PRH1: variants seen among roughly 807,000 people sequenced by gnomAD.
PRH1 encodes the protein proline rich protein HaeIII subfamily 1.
A neutral mutation model predicts 7.9 loss-of-function variants in PRH1; 7 were observed. That is an observed-to-expected ratio of 0.89 (90% CI 0.50 to 1.67). The LOEUF is 1.67. Among genes scored for constraint, PRH1 ranks in the 40% most tolerant of loss-of-function variants. The pLI is 0.00. For missense variants in PRH1, 109 were observed against 223.6 expected, an observed-to-expected ratio of 0.49 and a Z score of 3.27; for synonymous variants, 45 against 80.8, an observed-to-expected ratio of 0.56 and a Z score of 2.38.
intron 2 of PRH1, among the ~76,000 whole-genome samples, chr12:10,926,193 T>A (rs1250541032): frequency 6.6e-6 from 1 of 152,222 alleles, no homozygotes; most frequent in African/African-American, 2.4e-5. Context: ...GTTTATTTGC[T>A]AACTGTATTA....
At chr12:11,134,903 TACAC>T (rs993546432) in intron 1 of PRH1, among the ~76,000 whole-genome samples, 1 of 152,062 alleles carries the variant, frequency 6.6e-6, no homozygotes, top group Non-Finnish European at 1.5e-5. Flanking sequence ...AGCTCATAAA[TACAC>T]ACACAAACAC....
intron 2 of PRH1, among the ~76,000 whole-genome samples, chr12:10,943,401 C>G (rs1385306443): frequency 6.6e-6 from 1 of 152,108 alleles, no homozygotes; most frequent in Non-Finnish European, 1.5e-5. Context: ...CTGTTCAGGT[C>G]TTTTGCCCAC....
chr12:11,053,310 G>T (rs1025679442), intron 1 of PRH1, among the ~76,000 whole-genome samples: 5 of 152,150 alleles, frequency 3.3e-5, no homozygotes, highest in Non-Finnish European at 7.4e-5. Context: ...ACAAGATGTG[G>T]GGGAGAGCTT....
chr12:10,931,942 T>C (rs1399543114), intron 2 of PRH1, among the ~76,000 whole-genome samples: 1 of 152,194 alleles, frequency 6.6e-6, no homozygotes, highest in African/African-American at 2.4e-5. Flanking sequence ...TATGTTGCAG[T>C]CCCCATCTTT....
chr12:11,133,996 A>G, intron 1 of PRH1: 1 of 1,614,148 alleles, frequency 6.2e-7, no homozygotes, highest in South Asian at 1.1e-5. Flanking sequence ...CATTATAAGC[A>G]GTAATTCTTA....
At chr12:11,146,322 T>A (rs986525461) in intron 1 of PRH1, among the ~76,000 whole-genome samples, 2 of 152,128 alleles carry the variant, frequency 1.3e-5, no homozygotes, top group Non-Finnish European at 2.9e-5. Flanking sequence ...AATAAACTAC[T>A]CTAAATGAGA....
chr12:11,140,297 T>C (rs1946666933), intron 1 of PRH1, among the ~76,000 whole-genome samples: 1 of 152,068 alleles, frequency 6.6e-6, no homozygotes, highest in African/African-American at 2.4e-5. Context: ...TGTTGAAATA[T>C]AAAAATAGAC....
intron 2 of PRH1, among the ~76,000 whole-genome samples, chr12:10,935,218 C>G (rs1022581387): frequency 5.9e-5 from 9 of 152,098 alleles, no homozygotes; most frequent in African/African-American, 1.9e-4. Flanking sequence ...CCAGGAATGA[C>G]TGCTGTCTTT....
intron 1 of PRH1, among the ~76,000 whole-genome samples, chr12:11,128,358 T>C (rs1946207092): frequency 8.5e-6 from 1 of 118,304 alleles, no homozygotes; most frequent in African/African-American, 2.8e-5. Flanking sequence ...AGAGGGGATC[T>C]TGGAGTCAGA....
intron 1 of PRH1, among the ~76,000 whole-genome samples, chr12:11,035,177 T>C (rs966337198): frequency 1.3e-5 from 2 of 152,036 alleles, no homozygotes; most frequent in Non-Finnish European, 2.9e-5. Flanking sequence ...GTCTGAAGTC[T>C]GATAGTTTCT....
intron 1 of PRH1, chr12:10,986,075 C>T (rs1939604761): frequency 6.2e-7 from 1 of 1,613,922 alleles, no homozygotes; most frequent in African/African-American, 1.3e-5. Flanking sequence ...CCTTGCTAAC[C>T]ATGACAACCG....
chr12:10,997,687 T>C lies in PRH1; in HGVS notation c.-125-23966A>G, dbSNP rs777617629. 6 of 1,613,726 alleles carry C rather than the reference T, an allele frequency of 3.7e-6. No homozygotes were observed. In the South Asian group the frequency reaches 6.6e-5, roughly 18 times the overall value. ...TCAACACAGTTGAATACCAATGTAA[T>C]AATATTACCCAGAGCAAACCAACTC... On this transcript the variant is annotated intron_variant, in intron 1 of 3. Transcript: ENST00000539853.
intron 2 of PRH1, among the ~76,000 whole-genome samples, chr12:10,932,818 G>C (rs941882234): frequency 6.6e-6 from 1 of 151,966 alleles, no homozygotes; most frequent in East Asian, 1.9e-4. Flanking sequence ...AAGGGCAATT[G>C]CGTGTGAAAA....
chr12:10,919,819 A>G (rs1950021199), intron 2 of PRH1, among the ~76,000 whole-genome samples: 2 of 151,858 alleles, frequency 1.3e-5, no homozygotes, highest in African/African-American at 4.8e-5. Context: ...TTTCTGTGTC[A>G]CAACCTTCAT....
In PRH1 at chr12:11,020,375, T is replaced by C. The variant is rs757412793; in HGVS notation, c.-126+26645A>G. Among the ~76,000 whole-genome samples the C allele has an allele frequency of 2.4e-5, 3 of 126,580 alleles. No individual in the cohort carries two copies. The Admixed American group carries it at 2.5e-4, about 11-fold the overall frequency. The allele number at this position is 126,580 out of a possible 152,430, so 83.0% of individuals were successfully genotyped here. ...ACGTATGATAAGCGATATATATATA[T>C]ATATATATATATATATGTCTATAGA... On this transcript the variant is annotated intron_variant, in intron 1 of 3. Coordinates refer to the PRH1 transcript ENST00000539853.
At position 11,134,313 on chromosome 12, in the gene PRH1, C is replaced by T. The variant is rs1946484659; in HGVS notation, n.40-13133G>A. The T allele has an allele frequency of 2.2e-6, 3 of 1,355,028 alleles. No homozygotes were observed. In the African/African-American group the frequency reaches 4.4e-5, roughly 20 times the overall value. 83.9% of individuals were successfully genotyped at this position (1,355,028 alleles called of 1,614,324 possible). A position where few individuals can be genotyped will look rare whatever the true frequency, so the allele number is the denominator to read the frequency against. ...TCACTGGTTGTGATTGCTTGAATAT[C>T]CTGACCTTAAATTCTATATGCACCT... On this transcript the variant is annotated intron_variant and non_coding_transcript_variant, in intron 1 of 1. Transcript: ENST00000541175.
At chr12:11,031,185 G>C in intron 1 of PRH1, 1 of 1,614,190 alleles carries the variant, frequency 6.2e-7, no homozygotes, top group Non-Finnish European at 8.5e-7. Context: ...GAGACCGCCA[G>C]AGCAGTGAGA....
chr12:11,135,962 G>C (rs1424934568), intron 1 of PRH1, among the ~76,000 whole-genome samples: 3 of 151,884 alleles, frequency 2.0e-5, no homozygotes, highest in Admixed American at 2.0e-4. Flanking sequence ...ACTTAGAAAT[G>C]AACCAAAACA....
intron 1 of PRH1, chr12:11,091,864 C>T: frequency 1.5e-6 from 2 of 1,354,910 alleles, no homozygotes; most frequent in South Asian, 1.1e-5. Context: ...TAACTCTCCT[C>T]TTTAAGTGAA....
Sources: allele counts gnomAD v4.1 joint callset (sites outside exome capture counted in the v4.1 genomes callset), GRCh38; gene constraint gnomAD v4.1.1; transcripts MANE v1.5; gene names NCBI Gene and HGNC (gene_info 2026-07-23, HGNC 2026-07-21).